Variants in CDH4 observed in about 807,000 individuals in gnomAD.
CDH4 encodes the protein cadherin-4.
CDH4 carries 33 observed loss-of-function variants against 86.0 expected under a neutral mutation model. The ratio of observed to expected loss-of-function variants is 0.38; its 90% CI spans 0.29 to 0.51. The LOEUF (loss-of-function observed/expected upper bound fraction) is 0.51. CDH4 is among the 20% of genes least tolerant of loss of function. CDH4 has a pLI of 0.86. For missense variants in CDH4, 1,114 were observed against 1,307.4 expected (o/e 0.85, Z 2.28); for synonymous variants, 555 against 549.4 (o/e 1.01, Z -0.14).
chr20:61,921,097 G>A (rs1341219553), intron 9 of CDH4, among the ~76,000 whole-genome samples: 1 of 150,912 alleles, frequency 6.6e-6, no homozygotes, highest in African/African-American at 2.4e-5. Context: ...TTGTGTCACA[G>A]TAATTGCATG....
chr20:61,314,656 C>T (rs776031961), intron 2 of CDH4, among the ~76,000 whole-genome samples: 8 of 152,156 alleles, frequency 5.3e-5, no homozygotes, highest in African/African-American at 1.2e-4. Context: ...ACCACTGGAT[C>T]GTATGGTAGT....
At chr20:61,731,795 C>T (rs1008319049) in intron 2 of CDH4, among the ~76,000 whole-genome samples, 9 of 152,114 alleles carry the variant, frequency 5.9e-5, no homozygotes, top group African/African-American at 1.7e-4. Context: ...CCTGGCACCA[C>T]GGGGGTGCGG....
chr20:61,837,797 C>T (rs1258731426), intron 4 of CDH4, among the ~76,000 whole-genome samples: 1 of 152,094 alleles, frequency 6.6e-6, no homozygotes. Context: ...CAATCCGCCC[C>T]AGCCTCCAGG....
At chr20:61,425,101 AG>A (rs1246369732) in intron 2 of CDH4, among the ~76,000 whole-genome samples, 1 of 152,190 alleles carries the variant, frequency 6.6e-6, no homozygotes, top group Non-Finnish European at 1.5e-5. Flanking sequence ...GCTCTGGTGA[AG>A]GATCCCCAAG....
At chr20:61,558,756 G>T (rs75635296) in intron 2 of CDH4, among the ~76,000 whole-genome samples, 1 of 152,216 alleles carries the variant, frequency 6.6e-6, no homozygotes, top group East Asian at 1.9e-4. Flanking sequence ...AATACTCATT[G>T]TAGTAACAAG....
Position 61,322,753 on chromosome 20 carries a change from C to T in CDH4, c.169+67816C>T, listed in dbSNP as rs1017300405. On this transcript the variant is annotated intron_variant, in intron 2 of 15. Transcript: ENST00000614565. ...GAAGGAACAGATAGATGGCAGGGAGCGGAACACTCACAACTGGAGAGGAAA... is the reference window on the plus strand; with the variant it reads ...GAAGGAACAGATAGATGGCAGGGAGTGGAACACTCACAACTGGAGAGGAAA... Among the ~76,000 whole-genome samples the T allele has an allele frequency of 9.2e-5, 14 of 152,276 alleles. No homozygotes were observed. In the Middle Eastern group the frequency reaches 0.01, roughly 111 times the overall value.
intron 2 of CDH4, among the ~76,000 whole-genome samples, chr20:61,619,634 G>C (rs1555814892): frequency 6.6e-6 from 1 of 152,200 alleles, no homozygotes; most frequent in Non-Finnish European, 1.5e-5. Flanking sequence ...AGGCTCTCCT[G>C]GTCTCCATTC....
chr20:61,797,252 A>G (rs1478774025), intron 4 of CDH4, among the ~76,000 whole-genome samples: 3 of 152,100 alleles, frequency 2.0e-5, no homozygotes, highest in African/African-American at 7.2e-5. Flanking sequence ...AAGGGTTCAC[A>G]CCAGCCACTG....
At chr20:61,302,035 T>C (rs2427058) in intron 2 of CDH4, among the ~76,000 whole-genome samples, 30,720 of 152,228 alleles carry the variant, frequency 0.2, 3,590 homozygotes, top group Middle Eastern at 0.27. Flanking sequence ...AAAACTTAAG[T>C]ATTTAAAGGC....
At chr20:61,687,133 C>CAT (rs2087591468) in intron 2 of CDH4, among the ~76,000 whole-genome samples, 1 of 152,230 alleles carries the variant, frequency 6.6e-6, no homozygotes, top group Admixed American at 6.5e-5. Flanking sequence ...TCACTGGCAA[C>CAT]ACTGAAGTGC....
At chr20:61,748,197 A>G (rs1333616636) in intron 3 of CDH4, among the ~76,000 whole-genome samples, 3 of 152,120 alleles carry the variant, frequency 2.0e-5, no homozygotes, top group Admixed American at 2.0e-4. Context: ...CAGTGGCGCA[A>G]TCTCAGCTCA....
intron 2 of CDH4, among the ~76,000 whole-genome samples, chr20:61,395,308 T>A (rs6061296): frequency 0.68 from 104,088 of 152,068 alleles, 36,274 homozygotes; most frequent in East Asian, 0.88. Flanking sequence ...GTAAAAACAT[T>A]CAACATAAAT....
At chr20:61,611,726 C>T (rs973538021) in intron 2 of CDH4, among the ~76,000 whole-genome samples, 3 of 152,120 alleles carry the variant, frequency 2.0e-5, no homozygotes, top group Admixed American at 6.5e-5. Flanking sequence ...GTAGCCAAGC[C>T]GCTTGGGGGA....
chr20:61,466,318 G>A (rs905640639), intron 2 of CDH4, among the ~76,000 whole-genome samples: 2 of 152,156 alleles, frequency 1.3e-5, no homozygotes, highest in African/African-American at 2.4e-5. Context: ...CAAGATAGGC[G>A]GCTTTGCTGC....
chr20:61,256,303 C>A (rs1399312745), intron 2 of CDH4, among the ~76,000 whole-genome samples: 2 of 152,178 alleles, frequency 1.3e-5, no homozygotes, highest in Non-Finnish European at 2.9e-5. Context: ...TCCTTAAGTT[C>A]TCTGATTATG....
At chr20:61,728,572 C>T (rs951931214) in intron 2 of CDH4, among the ~76,000 whole-genome samples, 4 of 152,070 alleles carry the variant, frequency 2.6e-5, no homozygotes, top group African/African-American at 4.8e-5. Context: ...CCTCGGGATA[C>T]GGGGCAGGAT....
At position 61,357,469 on chromosome 20, in the gene CDH4, T is replaced by A. The variant is rs1219324560; in HGVS notation, c.169+102532T>A. On this transcript the variant is annotated intron_variant, in intron 2 of 15. Coordinates refer to ENST00000614565, the MANE Select transcript of CDH4 (RefSeq NM_001794.5). ...CCCGATTCCTGGAACCTGCCCTTCA[T>A]CTCTGTGAGGTCTCACGTGAGCTCT... Among the ~76,000 whole-genome samples the A allele has an allele frequency of 5.9e-5, 9 of 152,342 alleles. No homozygotes were observed. In the East Asian group the frequency reaches 1.5e-3, roughly 26 times the overall value.
intron 3 of CDH4, among the ~76,000 whole-genome samples, chr20:61,769,236 A>C (rs369652269): frequency 2.6e-5 from 4 of 152,096 alleles, no homozygotes; most frequent in African/African-American, 9.6e-5. Context: ...ACTGCAGAAC[A>C]TATCAGGCGT....
At chr20:61,695,556 C>T (rs1237800389) in intron 2 of CDH4, among the ~76,000 whole-genome samples, 1 of 152,176 alleles carries the variant, frequency 6.6e-6, no homozygotes, top group Non-Finnish European at 1.5e-5. Flanking sequence ...ACAGAGGAAT[C>T]CGAGGTCTGC....
Sources: gnomAD v4.1 joint callset for allele counts (sites outside exome capture counted in the v4.1 genomes callset) on GRCh38, gnomAD v4.1.1 for gene constraint, MANE v1.5 for transcripts, NCBI Gene and HGNC (gene_info 2026-07-23, HGNC 2026-07-21) for gene names.